Variants in SETX observed in about 807,000 individuals in gnomAD.
SETX encodes the protein senataxin.
SETX carries 90 observed loss-of-function variants against 227.2 expected under a neutral mutation model. The observed-to-expected ratio is 0.40, with a 90% CI of 0.33 to 0.47. SETX has a LOEUF of 0.47. Among genes scored for constraint, SETX ranks in the 20% least tolerant of loss-of-function variants. SETX has a pLI of 0.91. For missense variants in SETX, 3,052 were observed against 3,181.5 expected (o/e 0.96, Z 0.98); for synonymous variants, 1,210 against 1,113.2 (o/e 1.09, Z -1.73).
chr9:132,275,966 G>T (rs1289177825), intron 22 of SETX, among the ~76,000 whole-genome samples: 1 of 152,056 alleles, frequency 6.6e-6, no homozygotes, highest in East Asian at 1.9e-4. Context: ...TGAACAACAT[G>T]GGGCCCTGGA....
At position 132,308,472 on chromosome 9, in the gene SETX, G is replaced by C. The variant is rs530116942; in HGVS notation, c.5374+3285C>G. The stretch of plus-strand genomic sequence containing the variant: ...AAATGAGAGAATTCTAGTTTAAAAA[G>C]ACCTATCAACCAATGCCATTGGGTG... On this transcript the variant is annotated intron_variant, in intron 11 of 25. Transcript: ENST00000224140. 2.8e-4 allele frequency among the ~76,000 whole-genome samples: 43 copies of C among 152,248 alleles called. No individual in the cohort carries two copies. In the South Asian group the frequency reaches 7.9e-3, roughly 28 times the overall value.
chr9:132,277,577 G>A (rs958468374), intron 21 of SETX, among the ~76,000 whole-genome samples: 2 of 152,032 alleles, frequency 1.3e-5, no homozygotes, highest in South Asian at 2.1e-4. Context: ...TCAGGAGTTC[G>A]AAAGCAGCCT....
At chr9:132,301,248 G>T (rs7029355) in intron 11 of SETX, among the ~76,000 whole-genome samples, 2 of 151,498 alleles carry the variant, frequency 1.3e-5, no homozygotes, top group Non-Finnish European at 2.9e-5. Context: ...CACCACGCCC[G>T]GCTAATTTTT....
intron 10 of SETX, among the ~76,000 whole-genome samples, chr9:132,314,069 T>C (rs540075070): frequency 1.3e-5 from 2 of 152,226 alleles, no homozygotes; most frequent in Non-Finnish European, 1.5e-5. Flanking sequence ...TAGCTGGGAA[T>C]ACAGGCATGC....
Position 132,283,257 on chromosome 9 carries a change from C to T in SETX, c.6546+7G>A. 6.2e-7 allele frequency: 1 copy of T among 1,614,110 alleles called. No individual in the cohort carries two copies. Among genetic ancestry groups the T allele is most frequent in the South Asian group, 1.1e-5 (1 of 91,078 alleles). ...AGTCAAAGTTGTATGGCTGACCGTT[C>T]ACTGACCTCATCAACAATGACACAG... On this transcript the variant is annotated splice_region_variant and intron_variant, in intron 19 of 25. Coordinates refer to ENST00000224140, the MANE Select transcript of SETX (RefSeq NM_015046.7).
At chr9:132,300,323 CA>C (rs571120923) in intron 12 of SETX, among the ~76,000 whole-genome samples, 119 of 151,998 alleles carry the variant, frequency 7.8e-4, no homozygotes, top group Non-Finnish European at 1.3e-3. Flanking sequence ...TAATTGGCCA[CA>C]AAACCAAGGA....
At chr9:132,299,181 G>C (rs1302267653) in intron 12 of SETX, among the ~76,000 whole-genome samples, 1 of 152,162 alleles carries the variant, frequency 6.6e-6, no homozygotes, top group African/African-American at 2.4e-5. Flanking sequence ...ATAACTCCAA[G>C]GTTTTTGGCC....
At chr9:132,300,946 T>C (rs1213663476) in intron 11 of SETX, 143 bp from the exon 12 acceptor site, 16 of 646,902 alleles carry the variant, frequency 2.5e-5, no homozygotes, top group Non-Finnish European at 3.5e-5. Flanking sequence ...AAAATGGTAA[T>C]CTAATCCAAT....
At chr9:132,344,577 T>TGG (rs1848181132) in intron 4 of SETX, among the ~76,000 whole-genome samples, 2 of 152,206 alleles carry the variant, frequency 1.3e-5, no homozygotes, top group Non-Finnish European at 2.9e-5. Flanking sequence ...AACTAGATTT[T>TGG]AGTATCGTTA....
upstream of SETX, among the ~76,000 whole-genome samples, chr9:132,355,233 G>A (rs1320914185): frequency 6.6e-6 from 1 of 152,192 alleles, no homozygotes; most frequent in African/African-American, 2.4e-5. Flanking sequence ...GTTTGCCGCG[G>A]AACCTTGACC....
intron 22 of SETX, among the ~76,000 whole-genome samples, chr9:132,276,091 G>A (rs1261084075): frequency 2.6e-5 from 4 of 152,086 alleles, no homozygotes; most frequent in Non-Finnish European, 4.4e-5. Context: ...ACCAAGACCA[G>A]GGGATGCACT....
intron 2 of SETX, among the ~76,000 whole-genome samples, chr9:132,350,581 T>A (rs1163037585): frequency 6.6e-6 from 1 of 152,220 alleles, no homozygotes; most frequent in African/African-American, 2.4e-5. Context: ...TAATTTCTTC[T>A]TATACCCACA....
intron 5 of SETX, among the ~76,000 whole-genome samples, chr9:132,336,978 A>C (rs781599990): frequency 4.1e-4 from 63 of 152,276 alleles, no homozygotes; most frequent in Non-Finnish European, 5.1e-4. Context: ...AGGCAGGAGA[A>C]TTGTTTGAAC....
At chr9:132,312,715 T>C (rs761192712) in intron 10 of SETX, among the ~76,000 whole-genome samples, 1 of 152,192 alleles carries the variant, frequency 6.6e-6, no homozygotes, top group Non-Finnish European at 1.5e-5. Flanking sequence ...TGGACCATGA[T>C]AGTCATGATC....
intron 11 of SETX, among the ~76,000 whole-genome samples, chr9:132,307,959 G>A (rs2131339939): frequency 6.6e-6 from 1 of 152,238 alleles, no homozygotes; most frequent in Admixed American, 6.5e-5. Flanking sequence ...TTACAGGCCT[G>A]AGCCACCGCA....
intron 24 of SETX, among the ~76,000 whole-genome samples, chr9:132,270,297 G>A (rs78357862): frequency 6.7e-6 from 1 of 150,304 alleles, no homozygotes; most frequent in Non-Finnish European, 1.5e-5. Flanking sequence ...TGAGACACAG[G>A]TAGACTCTAG....
intron 4 of SETX, among the ~76,000 whole-genome samples, chr9:132,345,398 T>C (rs1466847547): frequency 6.6e-6 from 1 of 152,134 alleles, no homozygotes; most frequent in Non-Finnish European, 1.5e-5. Context: ...CTCAGCCTCC[T>C]GAGTAGCTGG....
chr9:132,292,430 A>AAAG (rs1844388114), intron 15 of SETX, among the ~76,000 whole-genome samples: 1 of 149,136 alleles, frequency 6.7e-6, no homozygotes, highest in African/African-American at 2.5e-5. Context: ...AAAAAAAAAA[A>AAAG]AAAAAAAGAA....
chr9:132,275,277 T>C lies in SETX; in HGVS notation c.7079A>G (p.Asp2360Gly), dbSNP rs1346929384. The C allele has an allele frequency of 1.7e-5, 28 of 1,614,164 alleles. No homozygotes were observed. Among genetic ancestry groups the C allele is most frequent in the Non-Finnish European group, 2.4e-5 (28 of 1,180,016 alleles). ...AQKTMIQKDL[D>G]KEFDRKGPAE... is the part of the protein sequence containing the mutation. The stretch of plus-strand genomic sequence containing the variant: ...TCACCCTTTTCTATCGAACTCTTTG[T>C]CCAAATCCTTCTGAATCATCGTCTT... Residue 2360 changes from aspartate to glycine, a missense_variant, in exon 23 of 26, where the codon GAC becomes GGC. Asp to Gly is a moderately conservative substitution (Grantham distance 94). Transcript: ENST00000224140.
Sources: allele counts gnomAD v4.1 joint callset (sites outside exome capture counted in the v4.1 genomes callset), GRCh38; gene constraint gnomAD v4.1.1; transcripts MANE v1.5; gene names NCBI Gene and HGNC (gene_info 2026-07-23, HGNC 2026-07-21).